The following OSBPL6 variants were observed in gnomAD, a reference collection of about 807,000 sequenced individuals.
The protein encoded by OSBPL6 is oxysterol-binding protein-related protein 6.
OSBPL6 carries 49 observed loss-of-function variants against 125.8 expected under a neutral mutation model. The observed-to-expected ratio is 0.39, with a 90% CI of 0.31 to 0.49. The LOEUF is 0.49. OSBPL6 is among the 20% of genes least tolerant of loss of function. OSBPL6 has a pLI of 0.88. For synonymous variants in OSBPL6, 394 were observed against 391.8 expected (o/e 1.01, Z -0.07); for missense variants, 986 against 1,135.4 (o/e 0.87, Z 1.89).
chr2:178,332,387 G>C (rs954317227), intron 6 of OSBPL6, among the ~76,000 whole-genome samples: 1 of 152,178 alleles, frequency 6.6e-6, no homozygotes, highest in South Asian at 2.1e-4. Context: ...TGAAGAATTA[G>C]TATTACATTC....
chr2:178,287,594 A>G (rs547667208), intron 2 of OSBPL6, among the ~76,000 whole-genome samples: 6 of 152,156 alleles, frequency 3.9e-5, no homozygotes, highest in Admixed American at 6.5e-5. Flanking sequence ...TGACTTGACT[A>G]TAGGAGAAAA....
intron 4 of OSBPL6, among the ~76,000 whole-genome samples, chr2:178,324,756 CTG>C (rs1288031123): frequency 6.6e-6 from 1 of 152,146 alleles, no homozygotes; most frequent in African/African-American, 2.4e-5. Context: ...AATATGGAAA[CTG>C]AGAGTTAATA....
At chr2:178,379,424 AAGAAAGAGAAAGAAG>A (rs1342879396) in intron 15 of OSBPL6, among the ~76,000 whole-genome samples, 3 of 151,568 alleles carry the variant, frequency 2.0e-5, no homozygotes, top group South Asian at 2.1e-4. Context: ...AGAGAAAGAA[AAGAAAGAGAAAGAAG>A]AGAGAAAAGG....
chr2:178,231,429 T>C (rs1012170793), intron 1 of OSBPL6, among the ~76,000 whole-genome samples: 1 of 152,140 alleles, frequency 6.6e-6, no homozygotes, highest in African/African-American at 2.4e-5. Flanking sequence ...CATTCACCCG[T>C]GCAGGCTTCC....
intron 11 of OSBPL6, among the ~76,000 whole-genome samples, chr2:178,343,707 C>A (rs1297107996): frequency 6.6e-6 from 1 of 152,124 alleles, no homozygotes; most frequent in Non-Finnish European, 1.5e-5. Flanking sequence ...TTGAAAATCC[C>A]AGCACTCTTA....
chr2:178,256,293 T>C (rs190045206), intron 1 of OSBPL6, among the ~76,000 whole-genome samples: 2 of 152,306 alleles, frequency 1.3e-5, no homozygotes, highest in Admixed American at 1.3e-4. Flanking sequence ...TTTTGTGGAA[T>C]TAGATGTGAA....
chr2:178,347,831 T>C (rs2154088286), intron 11 of OSBPL6, among the ~76,000 whole-genome samples: 1 of 152,312 alleles, frequency 6.6e-6, no homozygotes, highest in African/African-American at 2.4e-5. Context: ...AGGGTTCCTT[T>C]GATAACTCCA....
At chr2:178,225,802 A>G (rs2090537036) in intron 1 of OSBPL6, among the ~76,000 whole-genome samples, 1 of 152,198 alleles carries the variant, frequency 6.6e-6, no homozygotes, top group Admixed American at 6.5e-5. Context: ...GTATCATGAT[A>G]ACAGCACAGG....
upstream of OSBPL6, chr2:178,194,502 C>A (rs2088731703): frequency 6.6e-6 from 1 of 151,996 alleles, no homozygotes; most frequent in African/African-American, 2.4e-5. Flanking sequence ...GCACGGTCGC[C>A]GCCGCCGCTG....
intron 19 of OSBPL6, among the ~76,000 whole-genome samples, chr2:178,385,747 T>C (rs1304206479): frequency 6.6e-6 from 1 of 152,206 alleles, no homozygotes; most frequent in African/African-American, 2.4e-5. Flanking sequence ...CTGTATGGAA[T>C]AGCAGAGCTC....
chr2:178,272,313 G>A (rs2092388394), intron 1 of OSBPL6, among the ~76,000 whole-genome samples: 1 of 152,170 alleles, frequency 6.6e-6, no homozygotes, highest in African/African-American at 2.4e-5. Context: ...TTGGCACTTG[G>A]GGGTTCTGTT....
chr2:178,279,217 TG>T (rs1203201934), intron 1 of OSBPL6, among the ~76,000 whole-genome samples: 2 of 152,214 alleles, frequency 1.3e-5, no homozygotes, highest in Non-Finnish European at 2.9e-5. Flanking sequence ...ATCTAATCTT[TG>T]GTAGACTACA....
chr2:178,366,234 A>G (rs780501610), intron 13 of OSBPL6, among the ~76,000 whole-genome samples: 2 of 152,188 alleles, frequency 1.3e-5, no homozygotes, highest in Non-Finnish European at 2.9e-5. Context: ...AAAATGAAAT[A>G]GTCTGTAATA....
intron 1 of OSBPL6, among the ~76,000 whole-genome samples, chr2:178,244,137 G>C (rs746718905): frequency 1.3e-5 from 2 of 152,074 alleles, no homozygotes; most frequent in African/African-American, 4.8e-5. Flanking sequence ...AACTCCGCTG[G>C]TCTGGTTTAA....
intron 1 of OSBPL6, among the ~76,000 whole-genome samples, chr2:178,232,049 G>A (rs915855691): frequency 6.6e-6 from 1 of 152,120 alleles, no homozygotes; most frequent in Admixed American, 6.5e-5. Flanking sequence ...GTGTTTTGCT[G>A]CTCAGATCCA....
rs62179165 is a variant in OSBPL6 at position 178,285,022 on chromosome 2, A to G, written c.-255A>G. 69,607 of 398,376 alleles carry G rather than the reference A, an allele frequency of 0.17. 6,789 individuals are homozygous for G. The highest frequency in any genetic ancestry group is 0.27 in the African/African-American group (12,922 of 48,686). 24.7% of individuals were successfully genotyped at this position (398,376 alleles called of 1,614,324 possible). A position where few individuals can be genotyped will look rare whatever the true frequency, so the allele number is the denominator to read the frequency against. On this transcript the variant is annotated 5_prime_UTR_variant, in exon 2 of 25. The change abolishes an upstream ATG in the 5' untranslated region. Coordinates refer to ENST00000190611, the MANE Select transcript of OSBPL6 (RefSeq NM_032523.4). ...GCCCCAGCAAGGTCAAAGACATATC[A>G]TGTCCCAAGGAGAAAAGCTGCAGGC...
chr2:178,331,507 T>C, intron 5 of OSBPL6, 45 bp from the exon 6 acceptor site: 1 of 1,595,354 alleles, frequency 6.3e-7, no homozygotes, highest in Non-Finnish European at 8.6e-7. Context: ...ATGTTTTATG[T>C]AATTCAAAAT....
rs1696062913 is a variant in OSBPL6, at chr2:178,400,222, G to T, written c.*4663G>T. On this transcript the variant is annotated 3_prime_UTR_variant, in exon 25 of 25. Coordinates refer to ENST00000190611, the MANE Select transcript of OSBPL6 (RefSeq NM_032523.4). Reference sequence around the variant, plus strand: ...ATCTATTTAGTTTTTTAATAAAATTGTTGCTAGAATTTTTTTGTCTTTTCA... The same window carrying T: ...ATCTATTTAGTTTTTTAATAAAATTTTTGCTAGAATTTTTTTGTCTTTTCA... The T allele has an allele frequency of 6.8e-6, 1 of 147,196 alleles. No individual in the cohort carries two copies. Among genetic ancestry groups the T allele is most frequent in the South Asian group, 2.2e-4 (1 of 4,608 alleles). 9.1% of individuals were successfully genotyped at this position (147,196 alleles called of 1,614,324 possible). A position where few individuals can be genotyped will look rare whatever the true frequency, so the allele number is the denominator to read the frequency against.
intron 1 of OSBPL6, among the ~76,000 whole-genome samples, chr2:178,236,424 A>G (rs547480239): frequency 1.3e-5 from 2 of 152,354 alleles, no homozygotes; most frequent in African/African-American, 4.8e-5. Context: ...GTATCATGAT[A>G]TCATCCTTCT....
Sources: gnomAD v4.1 joint callset for allele counts (sites outside exome capture counted in the v4.1 genomes callset) on GRCh38, gnomAD v4.1.1 for gene constraint, MANE v1.5 for transcripts, NCBI Gene and HGNC (gene_info 2026-07-23, HGNC 2026-07-21) for gene names.